PKIA: variants seen among roughly 807,000 people sequenced by gnomAD.
PKIA encodes the protein cAMP-dependent protein kinase inhibitor alpha.
In PKIA, 4 loss-of-function variants were observed where a neutral mutation model predicts 7.6. That is an observed-to-expected ratio of 0.52 (90% CI 0.26 to 1.20). PKIA has a LOEUF of 1.20. PKIA is among the 50% of genes most tolerant of loss of function. The pLI, the probability that PKIA is intolerant of heterozygous loss-of-function variation, is 0.13. For synonymous variants in PKIA, 21 were observed against 30.7 expected, an observed-to-expected ratio of 0.68 and a Z score of 1.04; for missense variants, 73 against 86.2, an observed-to-expected ratio of 0.85 and a Z score of 0.61.
intron 1 of PKIA, among the ~76,000 whole-genome samples, chr8:78,561,263 A>G (rs992801413): frequency 1.3e-5 from 2 of 152,182 alleles, no homozygotes; most frequent in Non-Finnish European, 2.9e-5. Context: ...CTGTTGGTCT[A>G]ACACTCTACA....
At chr8:78,522,402 T>C (rs1342901701) in intron 1 of PKIA, among the ~76,000 whole-genome samples, 1 of 151,932 alleles carries the variant, frequency 6.6e-6, no homozygotes, top group Non-Finnish European at 1.5e-5. Flanking sequence ...GGGTCAGAGA[T>C]TATGCCCAGA....
intron 1 of PKIA, chr8:78,558,527 T>C: frequency 6.5e-6 from 1 of 154,640 alleles, no homozygotes; most frequent in Non-Finnish European, 1.4e-5. Flanking sequence ...AAGCGGAAAC[T>C]CCTGATAAAC....
At chr8:78,519,522 G>T (rs1425689802) in intron 1 of PKIA, among the ~76,000 whole-genome samples, 1 of 152,080 alleles carries the variant, frequency 6.6e-6, no homozygotes, top group Non-Finnish European at 1.5e-5. Flanking sequence ...GGCTCAAATA[G>T]AAATGTCATT....
At chr8:78,598,626 A>G (rs749205395) in intron 3 of PKIA, 91 bp downstream of exon 3, 2 of 979,194 alleles carry the variant, frequency 2.0e-6, no homozygotes, top group Non-Finnish European at 3.2e-6. Context: ...CCATCTTTGA[A>G]AGTAATCTAA....
intron 1 of PKIA, among the ~76,000 whole-genome samples, chr8:78,556,990 TCTCA>T (rs751806122): frequency 2.6e-4 from 39 of 152,234 alleles, no homozygotes; most frequent in Non-Finnish European, 4.1e-4. Context: ...ACTAATTGAC[TCTCA>T]CTATTTTGTT....
chr8:78,551,689 A>G (rs1240840151), intron 1 of PKIA, among the ~76,000 whole-genome samples: 1 of 152,036 alleles, frequency 6.6e-6, no homozygotes, highest in Non-Finnish European at 1.5e-5. Context: ...CTTCCAAAAC[A>G]TCTGAAGGGA....
chr8:78,590,026 G>C (rs1210310413), intron 2 of PKIA, among the ~76,000 whole-genome samples: 1 of 152,154 alleles, frequency 6.6e-6, no homozygotes, highest in Non-Finnish European at 1.5e-5. Context: ...AAGTGAGCTT[G>C]TCACTTCTAG....
chr8:78,556,166 TTTTTC>T (rs1807129088), intron 1 of PKIA, among the ~76,000 whole-genome samples: 1 of 152,096 alleles, frequency 6.6e-6, no homozygotes, highest in South Asian at 2.1e-4. Flanking sequence ...TATGGATGCA[TTTTTC>T]TTTTAACAGA....
intron 2 of PKIA, among the ~76,000 whole-genome samples, chr8:78,573,583 G>T (rs1807606180): frequency 6.6e-6 from 1 of 151,620 alleles, no homozygotes; most frequent in Non-Finnish European, 1.5e-5. Flanking sequence ...GGAAAGAAAA[G>T]AAAAAAACAG....
Position 78,601,860 on chromosome 8 carries a change from C to G in PKIA, c.*39C>G. ...CCCTCGACCACACCTGAAAATGTCT[C>G]AAATCTCCAGGAGTATCTGGAATGC... On this transcript the variant is annotated 3_prime_UTR_variant, in exon 4 of 4. Transcript: ENST00000396418. 6.9e-7 allele frequency: 1 copy of G among 1,456,658 alleles called. No homozygotes were observed. The highest frequency in any genetic ancestry group is 9.6e-7 in the Non-Finnish European group (1 of 1,039,884). The allele number at this position is 1,456,658 out of a possible 1,614,324, so 90.2% of individuals were successfully genotyped here. A position where few individuals can be genotyped will look rare whatever the true frequency, so the allele number is the denominator to read the frequency against.
intron 2 of PKIA, among the ~76,000 whole-genome samples, chr8:78,589,901 G>T (rs1411571400): frequency 6.6e-6 from 1 of 152,182 alleles, no homozygotes; most frequent in Admixed American, 6.5e-5. Flanking sequence ...TGTGGGTTGA[G>T]AGCTGAGCCA....
chr8:78,538,101 G>A (rs1264182286), intron 1 of PKIA, among the ~76,000 whole-genome samples: 1 of 151,768 alleles, frequency 6.6e-6, no homozygotes, highest in Non-Finnish European at 1.5e-5. Context: ...CTACGTCCCT[G>A]TGCTGACATA....
chr8:78,591,034 A>G (rs1808080562), intron 2 of PKIA, among the ~76,000 whole-genome samples: 2 of 152,220 alleles, frequency 1.3e-5, no homozygotes, highest in Admixed American at 1.3e-4. Context: ...TTTCTTACTT[A>G]AAAGGAATCA....
At position 78,598,545 on chromosome 8, in the gene PKIA, C is replaced by G; in HGVS notation, c.151+10C>G. The G allele has an allele frequency of 6.3e-7, 1 of 1,599,416 alleles. No homozygotes were observed. The highest frequency in any genetic ancestry group is 2.3e-5 in the East Asian group (1 of 44,370). ...GATATCAACAAGACAGGTAAGTCAT[C>G]TGGCACACATTTCTCTATGAGCATG... On this transcript the variant is annotated intron_variant, in intron 3 of 3. Transcript: ENST00000396418.
intron 1 of PKIA, among the ~76,000 whole-genome samples, chr8:78,553,179 G>A (rs564821625): frequency 8.0e-5 from 12 of 150,882 alleles, no homozygotes; most frequent in South Asian, 4.2e-4. Flanking sequence ...TCCAGTACCC[G>A]TAAAAGCACT....
At chr8:78,536,938 CTCCCA>C (rs1806541668) in intron 1 of PKIA, among the ~76,000 whole-genome samples, 1 of 150,890 alleles carries the variant, frequency 6.6e-6, no homozygotes, top group Admixed American at 6.6e-5. Flanking sequence ...TCTCAGTCAA[CTCCCA>C]TATCTGAGTG....
At chr8:78,550,109 A>T (rs1485574080) in intron 1 of PKIA, among the ~76,000 whole-genome samples, 5 of 152,118 alleles carry the variant, frequency 3.3e-5, no homozygotes, top group African/African-American at 1.2e-4. Context: ...AGACTATTTC[A>T]ATAGGGGAGA....
At chr8:78,561,003 C>G (rs553031055) in intron 1 of PKIA, among the ~76,000 whole-genome samples, 1 of 152,232 alleles carries the variant, frequency 6.6e-6, no homozygotes, top group South Asian at 2.1e-4. Context: ...TATATGAGCT[C>G]TATGAGCCTT....
At chr8:78,585,559 G>T (rs1401937691) in intron 2 of PKIA, among the ~76,000 whole-genome samples, 2 of 152,028 alleles carry the variant, frequency 1.3e-5, no homozygotes, top group Non-Finnish European at 2.9e-5. Flanking sequence ...TACATTTTCG[G>T]TAGTTAAAGG....
Sources: gnomAD v4.1 joint callset for allele counts (sites outside exome capture counted in the v4.1 genomes callset) on GRCh38, gnomAD v4.1.1 for gene constraint, MANE v1.5 for transcripts, NCBI Gene and HGNC (gene_info 2026-07-23, HGNC 2026-07-21) for gene names.